Variants in MDN1 observed in about 807,000 individuals in gnomAD.
The protein encoded by MDN1 is midasin AAA ATPase 1, also known as midasin.
A neutral mutation model predicts 669.2 loss-of-function variants in MDN1; 266 were observed. The ratio of observed to expected loss-of-function variants is 0.40; its 90% confidence interval spans 0.36 to 0.44. The LOEUF is 0.44. Among genes scored for constraint, MDN1 ranks in the 20% least tolerant of loss-of-function variants. The pLI, the probability that MDN1 is intolerant of heterozygous loss-of-function variation, is 1.00. For synonymous variants in MDN1, 2,385 were observed against 2,457.1 expected, an observed-to-expected ratio of 0.97 and a Z score of 0.87; for missense variants, 5,940 against 6,754.0, an observed-to-expected ratio of 0.88 and a Z score of 4.22.
intron 83 of MDN1, among the ~76,000 whole-genome samples, chr6:89,668,963 T>C (rs1223448482): frequency 6.6e-6 from 1 of 152,230 alleles, no homozygotes; most frequent in Non-Finnish European, 1.5e-5. Flanking sequence ...AAAATACAGT[T>C]TGGCTTACTT....
rs777901866 is a variant in MDN1 at position 89,650,846 on chromosome 6, T to C, written c.15917A>G (p.Glu5306Gly). Residue 5306 changes from glutamate (E) to glycine (G), a missense_variant and splice_region_variant, in exon 96 of 102, where the codon GAG (glutamate) becomes GGG (glycine). Glu to Gly is a moderately conservative substitution (Grantham distance 98). Transcript: ENST00000369393. ...QPRESGNPEEEKVAAEMWQSY... is the reference protein window; with the variant it reads ...QPRESGNPEEGKVAAEMWQSY... ...CTGCCACATCTCAGCTGCAACCTTC[T>C]CCTGTGACAACAACAAAATGTAAGT... 8.1e-6 allele frequency: 13 copies of C among 1,613,036 alleles called. No homozygotes were observed. Among genetic ancestry groups the C allele is most frequent in the Non-Finnish European group, 1.1e-5 (13 of 1,179,078 alleles).
chr6:89,740,784 T>C (rs1816251242), intron 31 of MDN1, among the ~76,000 whole-genome samples: 2 of 152,172 alleles, frequency 1.3e-5, no homozygotes, highest in African/African-American at 4.8e-5. Flanking sequence ...CGTGCTGAAA[T>C]AGGAATGAAC....
intron 88 of MDN1, 146 bp downstream of exon 88, chr6:89,661,285 G>A: frequency 1.1e-6 from 1 of 889,298 alleles, no homozygotes; most frequent in Non-Finnish European, 1.7e-6. Flanking sequence ...ACAAAGGAAA[G>A]GCAAACCATT....
At chr6:89,772,805 A>G (rs1818169768) in intron 13 of MDN1, 84 bp from the exon 14 acceptor site, 1 of 1,450,074 alleles carries the variant, frequency 6.9e-7, no homozygotes, top group Admixed American at 2.1e-5. Flanking sequence ...TTCCAGATTC[A>G]ACAACAAGGA....
At position 89,685,890 on chromosome 6, in the gene MDN1, G is replaced by A; in HGVS notation, c.11656C>T (p.Arg3886Ter). 6.2e-7 allele frequency: 1 copy of A among 1,614,038 alleles called. No homozygotes were observed. The highest frequency in any genetic ancestry group is 8.5e-7 in the Non-Finnish European group (1 of 1,180,002). Reference protein sequence around the residue: ...EGSSLGEFHVRLQMLLVFHCH... With the variant: ...EGSSLGEFHV Reference sequence around the variant, plus strand: ...TGGAAAACCAGTAACATCTGAAGTCGCACATGGAACTCTCCCAGCGAGGAT... The same window carrying A: ...TGGAAAACCAGTAACATCTGAAGTCACACATGGAACTCTCCCAGCGAGGAT... The change falls in exon 70 of 102, where the codon CGA becomes TGA. Residue 3886 changes from arginine to a stop codon, truncating the protein, a stop_gained. Transcript: ENST00000369393. LOFTEE classifies it high-confidence loss of function.
intron 48 of MDN1, 64 bp downstream of exon 48, chr6:89,712,511 C>T: frequency 1.3e-6 from 2 of 1,488,818 alleles, no homozygotes; most frequent in Non-Finnish European, 1.9e-6. Flanking sequence ...TGTGTCCTGA[C>T]CATTTCCAGC....
At position 89,664,588 on chromosome 6, in the gene MDN1, T is replaced by A; in HGVS notation, c.14135A>T (p.Glu4712Val). The A allele has an allele frequency of 1.2e-6, 2 of 1,613,424 alleles. No individual in the cohort carries two copies. The highest frequency in any genetic ancestry group is 1.7e-6 in the Non-Finnish European group (2 of 1,179,346). Residue 4712 changes from glutamate to valine, a missense_variant, in exon 85 of 102, where the codon GAG (glutamate) becomes GTG (valine). Coordinates refer to ENST00000369393, the MANE Select transcript of MDN1 (RefSeq NM_014611.3). ...TFQKGQEKDK[E>V]DPDSKSDIKG... ...AATATCAGATTTTGAATCAGGATCC[T>A]CTTTGTCTTTTTCTTGACCCTTCTG... is the stretch of plus-strand genomic sequence containing the variant.
chr6:89,801,380 C>T (rs1767648449), intron 2 of MDN1, among the ~76,000 whole-genome samples: 1 of 152,180 alleles, frequency 6.6e-6, no homozygotes, highest in Admixed American at 6.5e-5. Flanking sequence ...AGGCCAGGCG[C>T]AGTGGCTTAC....
At chr6:89,661,644 C>T in intron 87 of MDN1, 66 bp from the exon 88 acceptor site, 1 of 1,445,918 alleles carries the variant, frequency 6.9e-7, no homozygotes. Context: ...AAGTAGAATT[C>T]CCATAAAATC....
At position 89,743,691 on chromosome 6, in the gene MDN1, T is replaced by C; in HGVS notation, c.4202A>G (p.Gln1401Arg). The change falls in exon 30 of 102, where the codon CAG (glutamine) becomes CGG (arginine). Residue 1401 changes from glutamine to arginine, a missense_variant. Gln to Arg is a conservative substitution (Grantham distance 43, BLOSUM62 1). Around this residue, in one of 5 missense-constraint regions of MDN1, gnomAD observed 2,292 missense variants for 2,638.3 expected, o/e 0.87. Coordinates refer to ENST00000369393, the MANE Select transcript of MDN1 (RefSeq NM_014611.3). ...CTGATTTGCCAAGGCTGCAAATACC[T>C]GACAGATAGTAGTTTTCCCACACCT... The part of the protein sequence containing the change: ...DTGCGKTTIC[Q>R]VFAALANQKL... The C allele has an allele frequency of 6.2e-7, 1 of 1,613,918 alleles. No homozygotes were observed. The highest frequency in any genetic ancestry group is 8.5e-7 in the Non-Finnish European group (1 of 1,179,890).
At chr6:89,726,208 C>G (rs1034703192) in intron 37 of MDN1, among the ~76,000 whole-genome samples, 4 of 151,948 alleles carry the variant, frequency 2.6e-5, no homozygotes, top group African/African-American at 9.7e-5. Flanking sequence ...TGCCTGTAAT[C>G]CCAACACTTT....
At chr6:89,762,235 C>T (rs771517647) in intron 16 of MDN1, 84 bp downstream of exon 16, 11 of 1,135,922 alleles carry the variant, frequency 9.7e-6, no homozygotes, top group African/African-American at 6.2e-5. Flanking sequence ...CAATTTGTAT[C>T]GCTTTACTCT....
rs192894346 is a variant in MDN1, at chr6:89,788,392, C to T, written c.1231-435G>A. On this transcript the variant is annotated intron_variant, in intron 7 of 101. Coordinates refer to ENST00000369393, the MANE Select transcript of MDN1 (RefSeq NM_014611.3). Reference sequence around the variant, plus strand: ...CCCAGAGGTAGTGACATTTGCTAAACCTTAAAGAAGAATGAGCAGAAATTA... The same window carrying T: ...CCCAGAGGTAGTGACATTTGCTAAATCTTAAAGAAGAATGAGCAGAAATTA... Among the ~76,000 whole-genome samples, 329 of 152,258 alleles carry T rather than the reference C, an allele frequency of 2.2e-3. 2 individuals are homozygous for T. Among genetic ancestry groups the T allele is most frequent in the Non-Finnish European group, 1.6e-3 (106 of 68,022 alleles).
At position 89,699,740 on chromosome 6, in the gene MDN1, TAAAG is replaced by T; in HGVS notation, c.8871-17_8871-14del. ...ATTTTTGCTGCATCTGTTCCAAAAA[TAAAG>T]AGGGAGAGGGTGGGGTATGGACTAT... On this transcript the variant is annotated splice_polypyrimidine_tract_variant and intron_variant, in intron 57 of 101. Transcript: ENST00000369393. The T allele has an allele frequency of 6.2e-7, 1 of 1,613,286 alleles. No individual in the cohort carries two copies. Among genetic ancestry groups the T allele is most frequent in the Non-Finnish European group, 8.5e-7 (1 of 1,179,622 alleles).
In MDN1 at chr6:89,762,522, G is replaced by T. The variant is rs200246220; in HGVS notation, c.2153C>A (p.Pro718Gln). Residue 718 changes from proline (P) to glutamine (Q), a missense_variant, in exon 16 of 102, where the codon CCG (proline) becomes CAG (glutamine). This residue lies in a region of MDN1 where 1,203 missense variants were observed against 1,268.9 expected (regional missense o/e 0.95). Coordinates refer to ENST00000369393, the MANE Select transcript of MDN1 (RefSeq NM_014611.3). Reference sequence around the variant, plus strand: ...TAGCCAAATAAGCTTATGGTCCACCGGTTTATAACTGAAACAGACACAGGT... The same window carrying T: ...TAGCCAAATAAGCTTATGGTCCACCTGTTTATAACTGAAACAGACACAGGT... Reference protein sequence around the residue: ...DTADLLGGYKPVDHKLIWLPL... With the variant: ...DTADLLGGYKQVDHKLIWLPL... 24 of 1,609,394 alleles carry T rather than the reference G, an allele frequency of 1.5e-5. No homozygotes were observed. The South Asian group carries it at 2.6e-4, about 18-fold the overall frequency.
intron 7 of MDN1, among the ~76,000 whole-genome samples, chr6:89,788,881 T>C (rs1819107987): frequency 6.6e-6 from 1 of 152,112 alleles, no homozygotes. Context: ...ATCCCAGCAC[T>C]TTGGGAGGCT....
chr6:89,669,585 C>T (rs905508760), intron 83 of MDN1, among the ~76,000 whole-genome samples: 1 of 152,110 alleles, frequency 6.6e-6, no homozygotes, highest in Non-Finnish European at 1.5e-5. Flanking sequence ...TCCTCAAGTA[C>T]ATCTCATCTG....
In MDN1 at chr6:89,738,414, G is replaced by A; in HGVS notation, c.4635C>T (p.Cys1545=). 6.2e-7 allele frequency: 1 copy of A among 1,614,034 alleles called. No individual in the cohort carries two copies. Among genetic ancestry groups the A allele is most frequent in the South Asian group, 1.1e-5 (1 of 91,066 alleles). The change falls in exon 33 of 102, where the codon TGC becomes TGT. Residue 1545 remains cysteine (C), a synonymous_variant. Transcript: ENST00000369393. The stretch of plus-strand genomic sequence containing the variant: ...AATCTTCACGGCTTGTGCTTTGAGG[G>A]CACCATATTTCTGTAAACCGGTTTC... ...ALRNRFTEIW[C]PQSTSREDLI...
rs756605231 is a variant in MDN1 at position 89,644,229 on chromosome 6, C to A, written c.16603-36G>T. On this transcript the variant is annotated intron_variant, in intron 101 of 101. Transcript: ENST00000369393. Reference sequence around the variant, plus strand: ...AAGACATTTTGAAATGGGGAGGCAGCGATTAAACCAGCATCCTTAGCTAGC... The same window carrying A: ...AAGACATTTTGAAATGGGGAGGCAGAGATTAAACCAGCATCCTTAGCTAGC... 8.4e-6 allele frequency: 13 copies of A among 1,542,372 alleles called. No homozygotes were observed. The Admixed American group carries it at 2.0e-4, about 23-fold the overall frequency.
Sources: allele counts gnomAD v4.1 joint callset (sites outside exome capture counted in the v4.1 genomes callset), GRCh38; gene constraint gnomAD v4.1.1; regional missense constraint gnomAD v4.1.1; transcripts MANE v1.5; gene names NCBI Gene and HGNC (gene_info 2026-07-23, HGNC 2026-07-21).